MOB3B: variants seen among roughly 807,000 people sequenced by gnomAD.
The protein encoded by MOB3B is MOB kinase activator-like 2B.
In MOB3B, 7 loss-of-function variants were observed where a neutral mutation model predicts 18.7. The ratio of observed to expected loss-of-function variants is 0.37; its 90% CI spans 0.21 to 0.70. The LOEUF is 0.70. Ranked by LOEUF, MOB3B falls within the 30% of genes least tolerant of loss-of-function variation. The pLI, the probability that MOB3B is intolerant of heterozygous loss-of-function variation, is 0.52. For missense variants in MOB3B, 253 were observed against 281.3 expected, an observed-to-expected ratio of 0.90 and a Z score of 0.72; for synonymous variants, 111 against 99.9, an observed-to-expected ratio of 1.11 and a Z score of -0.66.
chr9:27,500,266 T>C (rs538905018), intron 1 of MOB3B, among the ~76,000 whole-genome samples: 4 of 152,254 alleles, frequency 2.6e-5, no homozygotes, highest in Admixed American at 6.5e-5. Flanking sequence ...TAAAGTGTCT[T>C]GTGAGAAATG....
At chr9:27,488,941 G>T (rs1313826222) in intron 1 of MOB3B, among the ~76,000 whole-genome samples, 3 of 152,200 alleles carry the variant, frequency 2.0e-5, no homozygotes, top group Non-Finnish European at 4.4e-5. Context: ...GCTCAGAATT[G>T]TTCCTACTTA....
chr9:27,529,670 C>G lies in MOB3B; in HGVS notation c.-314G>C. 1.0e-6 allele frequency: 1 copy of G among 985,426 alleles called. No homozygotes were observed. The highest frequency in any genetic ancestry group is 1.2e-6 in the Non-Finnish European group (1 of 829,924). The allele number at this position is 985,426 out of a possible 1,614,324, so 61.0% of individuals were successfully genotyped here. On this transcript the variant is annotated 5_prime_UTR_variant, in exon 1 of 4. Transcript: ENST00000262244. ...AGGTGGGGCGTCGCTTGCCAATCCA[C>G]GCAAGGGACTCTGCCGCCGGTGCGC...
intron 1 of MOB3B, among the ~76,000 whole-genome samples, chr9:27,468,683 C>A (rs1819425154): frequency 6.6e-6 from 1 of 152,126 alleles, no homozygotes; most frequent in Admixed American, 6.5e-5. Flanking sequence ...AACACAGGAC[C>A]CAGCAGAAAC....
chr9:27,364,303 G>A (rs1476459162), intron 2 of MOB3B, among the ~76,000 whole-genome samples: 1 of 152,170 alleles, frequency 6.6e-6, no homozygotes, highest in Admixed American at 6.5e-5. Context: ...TCTGCCTCAT[G>A]AGTACATAAG....
intron 2 of MOB3B, 140 bp from the exon 3 acceptor site, chr9:27,359,376 TGTGGG>T: frequency 1.5e-5 from 4 of 260,106 alleles, no homozygotes; most frequent in East Asian, 8.9e-5. Flanking sequence ...AGTGTGTGTG[TGTGGG>T]GGGGGGGGGT....
rs142983373 is a variant in MOB3B, at chr9:27,467,788, T to C, written c.-198-12040A>G. Among the ~76,000 whole-genome samples, 150 of 152,356 alleles carry C rather than the reference T, an allele frequency of 9.8e-4. 3 individuals are homozygous for C. The East Asian group carries it at 0.024, about 24-fold the overall frequency. ...CAGCTTTCTGCCTTTATGAATGGAATTGGTCTGCTCTCACCAGTGCTACAT... is the reference window on the plus strand; with the variant it reads ...CAGCTTTCTGCCTTTATGAATGGAACTGGTCTGCTCTCACCAGTGCTACAT... On this transcript the variant is annotated intron_variant, in intron 1 of 3. Transcript: ENST00000262244.
At chr9:27,363,310 C>T (rs1477425592) in intron 2 of MOB3B, among the ~76,000 whole-genome samples, 2 of 152,158 alleles carry the variant, frequency 1.3e-5, no homozygotes, top group Non-Finnish European at 2.9e-5. Flanking sequence ...GAGTCTCGCA[C>T]TTTCGCCCAG....
At chr9:27,352,363 C>A (rs1821117900) in intron 3 of MOB3B, among the ~76,000 whole-genome samples, 1 of 141,332 alleles carries the variant, frequency 7.1e-6, no homozygotes, top group Admixed American at 7.0e-5. Context: ...CAGAGTGAGA[C>A]CCTGTCTCAA....
intron 3 of MOB3B, among the ~76,000 whole-genome samples, chr9:27,357,839 G>A (rs1690446029): frequency 7.5e-6 from 1 of 134,132 alleles, no homozygotes; most frequent in Non-Finnish European, 1.5e-5. Flanking sequence ...ATTGCTTGAA[G>A]CCAGCAGTTT....
intron 2 of MOB3B, among the ~76,000 whole-genome samples, chr9:27,426,616 C>G (rs914075079): frequency 6.6e-5 from 10 of 152,210 alleles, no homozygotes; most frequent in Admixed American, 4.6e-4. Context: ...CTAGAAGCAG[C>G]TGCTGCTTCT....
intron 1 of MOB3B, among the ~76,000 whole-genome samples, chr9:27,466,352 T>C (rs1409495944): frequency 1.3e-5 from 2 of 152,226 alleles, no homozygotes; most frequent in Non-Finnish European, 2.9e-5. Flanking sequence ...TGGACCTTAT[T>C]GTTCACATCA....
chr9:27,426,524 C>T (rs1822334255), intron 2 of MOB3B, among the ~76,000 whole-genome samples: 1 of 152,166 alleles, frequency 6.6e-6, no homozygotes, highest in Non-Finnish European at 1.5e-5. Flanking sequence ...TTTGTTTGGG[C>T]ACACAATGCT....
chr9:27,360,101 G>A, intron 2 of MOB3B, among the ~76,000 whole-genome samples: 1 of 152,212 alleles, frequency 6.6e-6, no homozygotes, highest in East Asian at 1.9e-4. Flanking sequence ...AAATGGCTGG[G>A]AAGGTATTAA....
chr9:27,528,845 C>A (rs1208891886), intron 1 of MOB3B, among the ~76,000 whole-genome samples: 1 of 152,136 alleles, frequency 6.6e-6, no homozygotes, highest in Non-Finnish European at 1.5e-5. Context: ...GGCGCTTTAC[C>A]CTCCCAGCAG....
intron 1 of MOB3B, among the ~76,000 whole-genome samples, chr9:27,519,415 C>T (rs955230920): frequency 3.9e-5 from 6 of 152,144 alleles, no homozygotes; most frequent in African/African-American, 1.4e-4. Context: ...TAGGATTCAA[C>T]CTCAAAGCAT....
At chr9:27,333,158 T>A (rs1391954260) in intron 3 of MOB3B, among the ~76,000 whole-genome samples, 1 of 152,144 alleles carries the variant, frequency 6.6e-6, no homozygotes, top group Non-Finnish European at 1.5e-5. Flanking sequence ...GACAGGGTAC[T>A]TATTCAAGGT....
chr9:27,506,723 G>T (rs1338307521), intron 1 of MOB3B, among the ~76,000 whole-genome samples: 2 of 151,602 alleles, frequency 1.3e-5, no homozygotes, highest in African/African-American at 2.4e-5. Flanking sequence ...GTAGAGACGG[G>T]GTTTCACCGT....
At chr9:27,431,939 A>G (rs1822423857) in intron 2 of MOB3B, among the ~76,000 whole-genome samples, 1 of 152,194 alleles carries the variant, frequency 6.6e-6, no homozygotes, top group South Asian at 2.1e-4. Flanking sequence ...AACTCCCCCA[A>G]CACCTCTAGC....
intron 1 of MOB3B, among the ~76,000 whole-genome samples, chr9:27,457,470 G>A (rs1048929031): frequency 6.6e-6 from 1 of 152,182 alleles, no homozygotes; most frequent in Non-Finnish European, 1.5e-5. Context: ...AACAGGGCTT[G>A]ATGGTACTTT....
Sources: allele counts gnomAD v4.1 joint callset (sites outside exome capture counted in the v4.1 genomes callset), GRCh38; gene constraint gnomAD v4.1.1; transcripts MANE v1.5; gene names NCBI Gene and HGNC (gene_info 2026-07-23, HGNC 2026-07-21).